The following HBP1 variants were observed in gnomAD, a reference collection of about 807,000 sequenced individuals.
HBP1 encodes the protein HMG box-containing protein 1.
In HBP1, 20 loss-of-function variants were observed where a neutral mutation model predicts 62.6. The ratio of observed to expected loss-of-function variants is 0.32; its 90% confidence interval spans 0.22 to 0.46. HBP1 has a LOEUF of 0.46. Among genes scored for constraint, HBP1 ranks in the 20% least tolerant of loss-of-function variants. The probability of loss-of-function intolerance (pLI) is 1.00; values close to 1 mark genes in which losing one functional copy is unlikely to be tolerated. For synonymous variants in HBP1, 232 were observed against 206.2 expected (o/e 1.12, Z -1.07); for missense variants, 480 against 611.8 (o/e 0.78, Z 2.27).
rs528723093 is a variant in HBP1, at chr7:107,188,620, A to G, written c.766-672A>G. On this transcript the variant is annotated intron_variant, in intron 6 of 10. Coordinates refer to ENST00000222574, the MANE Select transcript of HBP1 (RefSeq NM_012257.4). ...GGCATGTGTTAAATGCTCAATATTC[A>G]TTGAATTTAAATTTTTCTGGTTCTA... 2.0e-5 allele frequency among the ~76,000 whole-genome samples: 3 copies of G among 152,282 alleles called. No individual in the cohort carries two copies. In the South Asian group the frequency reaches 6.2e-4, roughly 32 times the overall value.
intron 1 of HBP1, among the ~76,000 whole-genome samples, chr7:107,171,073 A>ATATATATATATATATATATTTTTTTTTT: frequency 1.1e-5 from 1 of 87,194 alleles, no homozygotes; most frequent in African/African-American, 6.6e-5. Flanking sequence ...ATATATATAT[A>ATATATATATATATATATATTTTTTTTTT]TTTTTTTTTT....
intron 9 of HBP1, among the ~76,000 whole-genome samples, chr7:107,199,597 T>A (rs1356278162): frequency 6.6e-6 from 1 of 152,212 alleles, no homozygotes; most frequent in Non-Finnish European, 1.5e-5. Context: ...ATGGGTGTCA[T>A]GAAGTGAATG....
chr7:107,173,050 A>C (rs1796676670), intron 1 of HBP1, among the ~76,000 whole-genome samples: 1 of 152,226 alleles, frequency 6.6e-6, no homozygotes, highest in African/African-American at 2.4e-5. Flanking sequence ...GGCAAACTAG[A>C]GTTGTAGACA....
At chr7:107,197,366 T>G in intron 9 of HBP1, among the ~76,000 whole-genome samples, 1 of 152,200 alleles carries the variant, frequency 6.6e-6, no homozygotes. Flanking sequence ...TCAAGAATTC[T>G]AAGAGTCTTT....
In HBP1 at chr7:107,186,667, A is replaced by G; in HGVS notation, c.751A>G (p.Met251Val). The G allele has an allele frequency of 6.3e-7, 1 of 1,592,508 alleles. No homozygotes were observed. The highest frequency in any genetic ancestry group is 8.6e-7 in the Non-Finnish European group (1 of 1,163,082). ...EGCDNEEDLQ[M>V]GIHKGYGSDG... ...CTGTGATAATGAGGAAGATCTTCAA[A>G]TGGGCATTCACAAGGTTGATTTAAA... The change falls in exon 6 of 11, where the codon ATG becomes GTG. Residue 251 changes from methionine to valine, a missense_variant. This residue lies in a region of HBP1 where 304 missense variants were observed against 330.9 expected (regional missense o/e 0.92). Transcript: ENST00000222574.
chr7:107,169,156 C>A lies in HBP1; in HGVS notation c.-45C>A, dbSNP rs1359500591. The stretch of plus-strand genomic sequence containing the variant: ...TGGTGTTGTCGTGGCCGGAGCGGCC[C>A]GCGCCTGGGCTGCCGGCACTTCGCG... On this transcript the variant is annotated 5_prime_UTR_variant, in exon 1 of 11. Transcript: ENST00000222574. 10 of 1,128,584 alleles carry A rather than the reference C, an allele frequency of 8.9e-6. No individual in the cohort carries two copies. The East Asian group carries it at 5.1e-4, about 57-fold the overall frequency. The allele number at this position is 1,128,584 out of a possible 1,614,324, so 69.9% of individuals were successfully genotyped here. A position where few individuals can be genotyped will look rare whatever the true frequency, so the allele number is the denominator to read the frequency against.
chr7:107,176,283 C>T (rs1393191195), intron 1 of HBP1, among the ~76,000 whole-genome samples: 4 of 152,096 alleles, frequency 2.6e-5, no homozygotes, highest in Non-Finnish European at 5.9e-5. Context: ...CTCGGCTTCC[C>T]AAAGTGCTGG....
chr7:107,186,496 A>T, intron 5 of HBP1, 24 bp downstream of exon 5: 1 of 1,587,534 alleles, frequency 6.3e-7, no homozygotes, highest in South Asian at 1.1e-5. Context: ...ACAAACAAAA[A>T]CCTTGAATTT....
intron 10 of HBP1, 155 bp from the exon 11 acceptor site, chr7:107,201,259 C>A (rs575965608): frequency 2.1e-6 from 1 of 472,496 alleles, no homozygotes; most frequent in Non-Finnish European, 3.9e-6. Flanking sequence ...GATGCTTGAG[C>A]CATCAGATAT....
intron 1 of HBP1, among the ~76,000 whole-genome samples, chr7:107,171,087 T>TTTTTTTTTTG (rs1796568117): frequency 1.5e-5 from 2 of 133,794 alleles, no homozygotes; most frequent in East Asian, 2.1e-4. Context: ...TTTTTTTTTT[T>TTTTTTTTTTG]TGAGAGGGAG....
At chr7:107,184,694 T>A (rs1250087352) in intron 3 of HBP1, among the ~76,000 whole-genome samples, 1 of 152,152 alleles carries the variant, frequency 6.6e-6, no homozygotes, top group Non-Finnish European at 1.5e-5. Context: ...GTATTTTAAG[T>A]AGAGATGGGG....
Position 107,201,572 on chromosome 7 carries a change from T to TTAA in HBP1, c.*147_*149dup, listed in dbSNP as rs1157775438. The stretch of plus-strand genomic sequence containing the variant: ...TGATAGCATTGAGTCTTGAAATGAT[T>TTAA]TAATAATATGAGTGAGGATTTGCTT... On this transcript the variant is annotated 3_prime_UTR_variant, in exon 11 of 11. Coordinates refer to ENST00000222574, the MANE Select transcript of HBP1 (RefSeq NM_012257.4). 2.3e-5 allele frequency: 11 copies of TTAA among 477,092 alleles called. No homozygotes were observed. The highest frequency in any genetic ancestry group is 1.6e-4 in the East Asian group (5 of 30,760). The allele number at this position is 477,092 out of a possible 1,614,324, so 29.6% of individuals were successfully genotyped here. A position where few individuals can be genotyped will look rare whatever the true frequency, so the allele number is the denominator to read the frequency against.
rs986083632 is a variant in HBP1, at chr7:107,187,040, C to T, written c.765+359C>T. On this transcript the variant is annotated intron_variant, in intron 6 of 10. Transcript: ENST00000222574. Reference sequence around the variant, plus strand: ...GGCTGAGGCGGGTGGATCACGAGGTCAGGAGATCGCGACCATCCTGGCTAA... The same window carrying T: ...GGCTGAGGCGGGTGGATCACGAGGTTAGGAGATCGCGACCATCCTGGCTAA... Among the ~76,000 whole-genome samples the T allele has an allele frequency of 9.9e-5, 15 of 152,206 alleles. No homozygotes were observed. The East Asian group carries it at 1.2e-3, about 12-fold the overall frequency.
In HBP1 at chr7:107,186,317, A is replaced by G. The variant is rs1302859694; in HGVS notation, c.541-44A>G. ...GATGAAAACAGATATTAAAAGGTAT[A>G]TTTTAAAAACAAATAAAAAAGTTGA... On this transcript the variant is annotated intron_variant, in intron 4 of 10. Transcript: ENST00000222574. 3.4e-6 allele frequency: 4 copies of G among 1,165,608 alleles called. No individual in the cohort carries two copies. The African/African-American group carries it at 4.6e-5, about 13-fold the overall frequency. 72.2% of individuals were successfully genotyped at this position (1,165,608 alleles called of 1,614,324 possible). A position where few individuals can be genotyped will look rare whatever the true frequency, so the allele number is the denominator to read the frequency against.
intron 1 of HBP1, among the ~76,000 whole-genome samples, chr7:107,171,056 T>TACATGTATAA (rs1796546489): frequency 1.4e-4 from 9 of 63,168 alleles, no homozygotes; most frequent in East Asian, 3.6e-4. Context: ...AATATATATA[T>TACATGTATAA]ATATATATAT....
Position 107,201,451 on chromosome 7 carries a change from TAA to T in HBP1, c.*21_*22del, listed in dbSNP as rs760187814. On this transcript the variant is annotated 3_prime_UTR_variant, in exon 11 of 11. Coordinates refer to ENST00000222574, the MANE Select transcript of HBP1 (RefSeq NM_012257.4). ...CATTAAACCAGGATGCTTATGTTCT[TAA>T]GTCTATATTTGCATATACATTGACT... 3 of 1,527,974 alleles carry T rather than the reference TAA, an allele frequency of 2.0e-6. No homozygotes were observed. Among genetic ancestry groups the T allele is most frequent in the Admixed American group, 1.7e-5 (1 of 59,208 alleles). 94.7% of individuals were successfully genotyped at this position (1,527,974 alleles called of 1,614,324 possible). A position where few individuals can be genotyped will look rare whatever the true frequency, so the allele number is the denominator to read the frequency against.
At chr7:107,184,752 C>T (rs924614550) in intron 3 of HBP1, among the ~76,000 whole-genome samples, 8 of 152,254 alleles carry the variant, frequency 5.3e-5, no homozygotes, top group African/African-American at 1.2e-4. Flanking sequence ...CCTCGTGATC[C>T]GCTTGCCTTG....
intron 1 of HBP1, chr7:107,169,806 T>A (rs1358831323): frequency 2.1e-6 from 2 of 962,296 alleles, no homozygotes; most frequent in South Asian, 4.9e-5. Context: ...TGCGGTCACA[T>A]GATGGGGGGA....
Position 107,182,295 on chromosome 7 carries a change from CTCTTT to C in HBP1, c.170-76_170-72del. 1.1e-5 allele frequency: 8 copies of C among 756,090 alleles called. No individual in the cohort carries two copies. In the South Asian group the frequency reaches 1.1e-4, roughly 11 times the overall value. 46.8% of individuals were successfully genotyped at this position (756,090 alleles called of 1,614,324 possible). ...ATTAATTAGCTAAAATTGAGGACTT[CTCTTT>C]TAACTGCAGTTATAATATTGTTCCT... On this transcript the variant is annotated intron_variant, in intron 2 of 10. Coordinates refer to ENST00000222574, the MANE Select transcript of HBP1 (RefSeq NM_012257.4).
Sources: allele counts gnomAD v4.1 joint callset (sites outside exome capture counted in the v4.1 genomes callset), GRCh38; gene constraint gnomAD v4.1.1; regional missense constraint gnomAD v4.1.1; transcripts MANE v1.5; gene names NCBI Gene and HGNC (gene_info 2026-07-23, HGNC 2026-07-21).